DACH1: variants seen among roughly 807,000 people sequenced by gnomAD.
The protein encoded by DACH1 is dachshund homolog 1.
DACH1 carries 12 observed loss-of-function variants against 54.2 expected under a neutral mutation model. The observed-to-expected ratio is 0.22, with a 90% CI of 0.14 to 0.36. DACH1 has a LOEUF of 0.36. DACH1 is among the 10% of genes least tolerant of loss of function. The pLI is 1.00. For missense variants in DACH1, 805 were observed against 929.8 expected, an observed-to-expected ratio of 0.87 and a Z score of 1.75; for synonymous variants, 386 against 366.2, an observed-to-expected ratio of 1.05 and a Z score of -0.62.
intron 2 of DACH1, among the ~76,000 whole-genome samples, chr13:71,659,399 C>A (rs550875911): frequency 8.5e-5 from 13 of 152,216 alleles, no homozygotes; most frequent in Admixed American, 8.5e-4. Flanking sequence ...AGTAATTATA[C>A]CACTGTATTT....
intron 2 of DACH1, among the ~76,000 whole-genome samples, chr13:71,638,065 G>C (rs930947339): frequency 6.6e-6 from 1 of 152,166 alleles, no homozygotes; most frequent in East Asian, 1.9e-4. Flanking sequence ...ATATCCAAGA[G>C]ATGTTACGTA....
chr13:71,570,134 C>T (rs968922499), intron 4 of DACH1, among the ~76,000 whole-genome samples: 1 of 152,138 alleles, frequency 6.6e-6, no homozygotes, highest in Admixed American at 6.5e-5. Flanking sequence ...CCAATATATA[C>T]ATTTAGACAG....
chr13:71,719,490 T>C (rs548382645), intron 1 of DACH1, among the ~76,000 whole-genome samples: 2 of 152,302 alleles, frequency 1.3e-5, no homozygotes, highest in Admixed American at 6.5e-5. Context: ...AGAATAGACA[T>C]AGATTTTTTT....
chr13:71,829,616 A>G (rs1003454339), intron 1 of DACH1, among the ~76,000 whole-genome samples: 28 of 151,934 alleles, frequency 1.8e-4, no homozygotes, highest in African/African-American at 6.3e-4. Context: ...CCTGCAAAGG[A>G]TCCACCATGG....
intron 1 of DACH1, among the ~76,000 whole-genome samples, chr13:71,810,994 C>CA (rs1190201933): frequency 1.3e-5 from 2 of 152,016 alleles, no homozygotes; most frequent in Non-Finnish European, 2.9e-5. Flanking sequence ...TGAACCAGAA[C>CA]ATTTTTTTTC....
chr13:71,766,959 A>G (rs1566487827), intron 1 of DACH1, among the ~76,000 whole-genome samples: 1 of 152,072 alleles, frequency 6.6e-6, no homozygotes, highest in Non-Finnish European at 1.5e-5. Flanking sequence ...AAGATAACAA[A>G]GACAACAGAG....
chr13:71,487,130 C>T (rs968708496), intron 7 of DACH1, among the ~76,000 whole-genome samples: 1 of 152,106 alleles, frequency 6.6e-6, no homozygotes, highest in Non-Finnish European at 1.5e-5. Context: ...GGATTACAGG[C>T]ATGAGCCACG....
chr13:71,730,235 T>G (rs1421349126), intron 1 of DACH1, among the ~76,000 whole-genome samples: 1 of 151,416 alleles, frequency 6.6e-6, no homozygotes, highest in African/African-American at 2.4e-5. Flanking sequence ...TAAAGAAAAA[T>G]AAAGCAACAA....
At chr13:71,506,401 C>T (rs1482181110) in intron 6 of DACH1, among the ~76,000 whole-genome samples, 1 of 149,512 alleles carries the variant, frequency 6.7e-6, no homozygotes, top group Non-Finnish European at 1.5e-5. Flanking sequence ...GTTTTTTGTT[C>T]TTGCGATAGT....
At chr13:71,522,027 A>G (rs1881635634) in intron 6 of DACH1, among the ~76,000 whole-genome samples, 1 of 152,172 alleles carries the variant, frequency 6.6e-6, no homozygotes, top group East Asian at 1.9e-4. Context: ...GCAAACTACT[A>G]CAGTATAACA....
rs140464246 is a variant in DACH1 at position 71,620,347 on chromosome 13, A to G, written c.1126+10209T>C. On this transcript the variant is annotated intron_variant, in intron 3 of 10. Coordinates refer to ENST00000613252, the MANE Select transcript of DACH1 (RefSeq NM_080759.6). ...TAAAACACATAGAACTGATTAACAG[A>G]TTATTTATAAATAATAAAGACTATT... 2.6e-3 allele frequency among the ~76,000 whole-genome samples: 395 copies of G among 152,122 alleles called. 1 individual carries two copies. Among genetic ancestry groups the G allele is most frequent in the African/African-American group, 9.1e-3 (378 of 41,562 alleles).
intron 1 of DACH1, among the ~76,000 whole-genome samples, chr13:71,818,140 C>A (rs953421775): frequency 2.0e-5 from 3 of 152,082 alleles, no homozygotes; most frequent in Non-Finnish European, 4.4e-5. Flanking sequence ...ATGTCTCACA[C>A]AATATTTCTA....
intron 1 of DACH1, among the ~76,000 whole-genome samples, chr13:71,814,057 C>G (rs1887820583): frequency 6.6e-6 from 1 of 152,144 alleles, no homozygotes; most frequent in South Asian, 2.1e-4. Flanking sequence ...ATGAGCCTGT[C>G]AACAAATGTA....
At chr13:71,710,206 A>G (rs1882643012) in intron 1 of DACH1, among the ~76,000 whole-genome samples, 1 of 152,230 alleles carries the variant, frequency 6.6e-6, no homozygotes. Context: ...TGACTTCAAA[A>G]TATCATAAGG....
chr13:71,510,931 A>T (rs1400464954), intron 6 of DACH1, among the ~76,000 whole-genome samples: 1 of 152,028 alleles, frequency 6.6e-6, no homozygotes, highest in Non-Finnish European at 1.5e-5. Context: ...TTTTCATCAT[A>T]AAAAAACCTG....
intron 1 of DACH1, among the ~76,000 whole-genome samples, chr13:71,687,814 G>T (rs945906185): frequency 2.0e-5 from 3 of 152,040 alleles, no homozygotes; most frequent in African/African-American, 7.2e-5. Flanking sequence ...TCACCATATT[G>T]CCCAGGCTGG....
intron 10 of DACH1, among the ~76,000 whole-genome samples, chr13:71,471,871 T>G (rs771672301): frequency 1.4e-4 from 22 of 152,178 alleles, no homozygotes; most frequent in Admixed American, 7.9e-4. Context: ...TGTTATAGAT[T>G]TGGCTACATA....
chr13:71,585,923 T>TTC (rs1324238878), intron 3 of DACH1, among the ~76,000 whole-genome samples: 1 of 152,272 alleles, frequency 6.6e-6, no homozygotes, highest in East Asian at 1.9e-4. Context: ...AAATCTTGTG[T>TTC]TCTCTATCAT....
At chr13:71,703,222 A>G (rs1398454361) in intron 1 of DACH1, among the ~76,000 whole-genome samples, 1 of 152,226 alleles carries the variant, frequency 6.6e-6, no homozygotes, top group Non-Finnish European at 1.5e-5. Flanking sequence ...GCTTTCACAT[A>G]GGCAGAATGA....
Sources: allele counts gnomAD v4.1 joint callset (sites outside exome capture counted in the v4.1 genomes callset), GRCh38; gene constraint gnomAD v4.1.1; transcripts MANE v1.5; gene names NCBI Gene and HGNC (gene_info 2026-07-23, HGNC 2026-07-21).